The following ZRANB3 variants were observed in gnomAD, a reference collection of about 807,000 sequenced individuals.
The protein encoded by ZRANB3 is zinc finger RANBP2-type containing 3.
In ZRANB3, 125 loss-of-function variants were observed where a neutral mutation model predicts 133.8. That is an observed-to-expected ratio of 0.93 (90% CI 0.81 to 1.08). The LOEUF (loss-of-function observed/expected upper bound fraction) is 1.08, where lower values mean the gene tolerates loss of function less well. Ranked by LOEUF, ZRANB3 falls within the 50% of genes least tolerant of loss-of-function variation. The pLI, the probability that ZRANB3 is intolerant of heterozygous loss-of-function variation, is 0.00. For missense variants in ZRANB3, 1,229 were observed against 1,275.5 expected (o/e 0.96, Z 0.56); for synonymous variants, 387 against 432.7 (o/e 0.89, Z 1.31).
intron 12 of ZRANB3, among the ~76,000 whole-genome samples, chr2:135,253,438 T>C (rs1679498729): frequency 6.6e-6 from 1 of 152,180 alleles, no homozygotes; most frequent in African/African-American, 2.4e-5. Context: ...GATGGGAGAC[T>C]ATACTATGCT....
chr2:135,398,875 G>A (rs555574289), intron 2 of ZRANB3, among the ~76,000 whole-genome samples: 1 of 152,136 alleles, frequency 6.6e-6, no homozygotes, highest in South Asian at 2.1e-4. Context: ...TGTAAACTGG[G>A]TTTTCATATA....
intron 8 of ZRANB3, among the ~76,000 whole-genome samples, chr2:135,309,127 C>A (rs538466151): frequency 1.3e-5 from 2 of 151,680 alleles, no homozygotes; most frequent in East Asian, 3.9e-4. Flanking sequence ...ACTACAGGCA[C>A]CCGCCACCAT....
chr2:135,351,265 CTTTTTTTTTTTTT>C (rs34205567), intron 4 of ZRANB3, among the ~76,000 whole-genome samples: 2 of 119,702 alleles, frequency 1.7e-5, no homozygotes, highest in Non-Finnish European at 3.4e-5. Context: ...CTATAATTTT[CTTTTTTTTTTTTT>C]TTTTTTTGAG....
At chr2:135,464,975 A>AGG (rs1690917391) in intron 2 of ZRANB3, among the ~76,000 whole-genome samples, 1 of 152,198 alleles carries the variant, frequency 6.6e-6, no homozygotes, top group African/African-American at 2.4e-5. Flanking sequence ...CTCAGCCTGG[A>AGG]GGGCATGCTA....
intron 11 of ZRANB3, 41 bp from the exon 12 acceptor site, chr2:135,265,727 C>T (rs776462043): frequency 3.2e-6 from 5 of 1,565,336 alleles, no homozygotes; most frequent in South Asian, 1.2e-5. Flanking sequence ...AGCAGTTCAC[C>T]TCACAGCTGA....
At chr2:135,483,873 A>C (rs1691966310) in intron 2 of ZRANB3, among the ~76,000 whole-genome samples, 1 of 152,170 alleles carries the variant, frequency 6.6e-6, no homozygotes, top group Admixed American at 6.5e-5. Flanking sequence ...TTATGTACCC[A>C]GTAGTCATTC....
At position 135,310,005 on chromosome 2, in the gene ZRANB3, C is replaced by T. The variant is rs187017667; in HGVS notation, c.966+3484G>A. 2.4e-3 allele frequency among the ~76,000 whole-genome samples: 369 copies of T among 152,216 alleles called. 3 individuals are homozygous for T. Among genetic ancestry groups the T allele is most frequent in the African/African-American group, 8.3e-3 (343 of 41,520 alleles). ...AGGTTGGAGTGCAGTGTCATGATCT[C>T]GGCTCACTGCAACCTCCACCTCCTG... On this transcript the variant is annotated intron_variant, in intron 8 of 20. Coordinates refer to ENST00000264159, the MANE Select transcript of ZRANB3 (RefSeq NM_032143.4).
chr2:135,307,231 A>C (rs1434343439), intron 8 of ZRANB3, among the ~76,000 whole-genome samples: 1 of 151,914 alleles, frequency 6.6e-6, no homozygotes, highest in East Asian at 1.9e-4. Flanking sequence ...ACACTGAGCT[A>C]ATTTTTGCAT....
intron 3 of ZRANB3, 99 bp from the exon 4 acceptor site, chr2:135,353,727 G>T: frequency 1.2e-6 from 1 of 843,624 alleles, no homozygotes; most frequent in Non-Finnish European, 1.6e-6. Flanking sequence ...TTAGCTGGGT[G>T]TGATGGCTCA....
chr2:135,338,152 T>C (rs937192297), intron 6 of ZRANB3, among the ~76,000 whole-genome samples: 7 of 152,210 alleles, frequency 4.6e-5, no homozygotes, highest in African/African-American at 1.7e-4. Context: ...GTTATTCATG[T>C]CAAGAAGTTA....
chr2:135,295,125 G>A (rs951351917), intron 8 of ZRANB3, among the ~76,000 whole-genome samples: 2 of 151,706 alleles, frequency 1.3e-5, no homozygotes, highest in Non-Finnish European at 3.0e-5. Flanking sequence ...ACTTGGTGCA[G>A]AGCTGGGGTT....
chr2:135,416,996 C>T (rs1450352374), intron 2 of ZRANB3, among the ~76,000 whole-genome samples: 1 of 152,114 alleles, frequency 6.6e-6, no homozygotes, highest in African/African-American at 2.4e-5. Flanking sequence ...AGACCTAAAA[C>T]CATAAAAACC....
At chr2:135,229,563 TTCACCGTG>T (rs1479555834) in intron 13 of ZRANB3, among the ~76,000 whole-genome samples, 3 of 151,824 alleles carry the variant, frequency 2.0e-5, no homozygotes, top group African/African-American at 7.3e-5. Flanking sequence ...GAGACGGGGT[TTCACCGTG>T]TTAGCCAGGA....
intron 2 of ZRANB3, among the ~76,000 whole-genome samples, chr2:135,435,317 A>G (rs1359393559): frequency 6.6e-6 from 1 of 152,210 alleles, no homozygotes; most frequent in Non-Finnish European, 1.5e-5. Context: ...TGCAAAAGAC[A>G]TGATCTTGTT....
intron 11 of ZRANB3, among the ~76,000 whole-genome samples, chr2:135,266,459 C>A (rs1297622442): frequency 1.3e-5 from 2 of 152,018 alleles, no homozygotes; most frequent in Non-Finnish European, 2.9e-5. Context: ...ACTAAGGAGT[C>A]TGGCACCTTT....
intron 3 of ZRANB3, among the ~76,000 whole-genome samples, chr2:135,383,431 G>A (rs1200260361): frequency 6.6e-6 from 1 of 152,132 alleles, no homozygotes; most frequent in Non-Finnish European, 1.5e-5. Flanking sequence ...ACATTAGACA[G>A]ATCAACGAGA....
At chr2:135,389,566 G>A (rs1052462308) in intron 3 of ZRANB3, among the ~76,000 whole-genome samples, 6 of 151,910 alleles carry the variant, frequency 3.9e-5, no homozygotes, top group South Asian at 4.2e-4. Context: ...TTAGCTGGGC[G>A]TGGTGGTGCG....
At position 135,313,592 on chromosome 2, in the gene ZRANB3, C is replaced by A. The variant is rs773174164; in HGVS notation, c.863G>T (p.Ser288Ile). The change falls in exon 8 of 21, where the codon AGC (serine) becomes ATC (isoleucine). Residue 288 changes from serine (S) to isoleucine (I), a missense_variant. Ser to Ile is a moderately radical substitution (Grantham distance 142). Transcript: ENST00000264159. ...PSAAAKELNT[S>I]FEEWEKIMRT... is the part of the protein sequence containing the mutation. ...CATTATTTTTTCCCACTCTTCAAAG[C>A]TGGTATTCAATTCCTATGTGGGAAA... 4 of 1,612,384 alleles carry A rather than the reference C, an allele frequency of 2.5e-6. No individual in the cohort carries two copies. The highest frequency in any genetic ancestry group is 2.5e-6 in the Non-Finnish European group (3 of 1,178,820).
intron 2 of ZRANB3, among the ~76,000 whole-genome samples, chr2:135,409,195 C>A (rs1333482337): frequency 6.6e-6 from 1 of 151,986 alleles, no homozygotes; most frequent in East Asian, 1.9e-4. Context: ...CACACACTTT[C>A]AAACAACCAG....
Sources: gnomAD v4.1 joint callset for allele counts (sites outside exome capture counted in the v4.1 genomes callset) on GRCh38, gnomAD v4.1.1 for gene constraint, MANE v1.5 for transcripts, NCBI Gene and HGNC (gene_info 2026-07-23, HGNC 2026-07-21) for gene names.